Variants in ARHGAP26 observed in about 807,000 individuals in gnomAD.
ARHGAP26 encodes Rho GTPase activating protein 26.
ARHGAP26 carries 38 observed loss-of-function variants against 104.8 expected under a neutral mutation model. That is an observed-to-expected ratio of 0.36 (90% confidence interval 0.28 to 0.48). The LOEUF (loss-of-function observed/expected upper bound fraction) is 0.48. ARHGAP26 is among the 20% of genes least tolerant of loss of function. The probability of loss-of-function intolerance (pLI) is 0.99; values close to 1 mark genes in which losing one functional copy is unlikely to be tolerated. For synonymous variants in ARHGAP26, 341 were observed against 340.0 expected (o/e 1.00, Z -0.03); for missense variants, 704 against 947.9 (o/e 0.74, Z 3.38).
intron 19 of ARHGAP26, among the ~76,000 whole-genome samples, chr5:143,146,928 G>GCCT (rs1799230703): frequency 1.3e-5 from 2 of 152,174 alleles, no homozygotes; most frequent in African/African-American, 4.8e-5. Flanking sequence ...CCAGTCAAAA[G>GCCT]AAGATGCAAT....
intron 17 of ARHGAP26, among the ~76,000 whole-genome samples, chr5:143,116,793 T>C (rs1795510070): frequency 6.6e-6 from 1 of 152,220 alleles, no homozygotes; most frequent in South Asian, 2.1e-4. Context: ...GCCATTTTCA[T>C]GGAACATGCT....
chr5:142,793,303 G>A (rs921411486), intron 1 of ARHGAP26, among the ~76,000 whole-genome samples: 3 of 147,520 alleles, frequency 2.0e-5, no homozygotes, highest in African/African-American at 7.6e-5. Flanking sequence ...GGCTTGAGGG[G>A]TCGTAGCTTT....
chr5:142,935,113 A>G (rs774330715), intron 11 of ARHGAP26, among the ~76,000 whole-genome samples: 17 of 152,328 alleles, frequency 1.1e-4, no homozygotes, highest in South Asian at 8.3e-4. Flanking sequence ...GGGAAACTCA[A>G]TTCAAACTTG....
chr5:142,784,801 C>T (rs1758213951), intron 1 of ARHGAP26, among the ~76,000 whole-genome samples: 1 of 152,076 alleles, frequency 6.6e-6, no homozygotes, highest in African/African-American at 2.4e-5. Flanking sequence ...ATTTTGCATT[C>T]ATCTTCACGA....
At chr5:142,890,365 G>T (rs1273548937) in intron 5 of ARHGAP26, among the ~76,000 whole-genome samples, 2 of 151,078 alleles carry the variant, frequency 1.3e-5, no homozygotes, top group East Asian at 3.9e-4. Context: ...GCGGTTTGGA[G>T]TGTTAGAGGA....
intron 11 of ARHGAP26, among the ~76,000 whole-genome samples, chr5:142,937,746 G>T (rs1448420349): frequency 6.6e-6 from 1 of 151,930 alleles, no homozygotes; most frequent in Non-Finnish European, 1.5e-5. Context: ...ACAACAACCG[G>T]GTGCATCTTA....
At chr5:142,865,478 G>GTTTTT (rs35950662) in intron 1 of ARHGAP26, among the ~76,000 whole-genome samples, 7 of 117,228 alleles carry the variant, frequency 6.0e-5, no homozygotes, top group Non-Finnish European at 7.0e-5. Flanking sequence ...ACACGGAGAA[G>GTTTTT]TTTTTTTTTT....
At chr5:142,882,350 C>G (rs1757119776) in intron 4 of ARHGAP26, among the ~76,000 whole-genome samples, 1 of 152,182 alleles carries the variant, frequency 6.6e-6, no homozygotes, top group Non-Finnish European at 1.5e-5. Flanking sequence ...AACATGAGAA[C>G]AAGGTTGGTC....
chr5:143,171,402 C>T (rs369421042), intron 20 of ARHGAP26, among the ~76,000 whole-genome samples: 7 of 152,218 alleles, frequency 4.6e-5, no homozygotes, highest in East Asian at 3.9e-4. Context: ...AGATGAGAGC[C>T]GCACTTGAGA....
chr5:142,903,964 AT>A (rs1180453527), intron 8 of ARHGAP26, among the ~76,000 whole-genome samples: 1 of 151,926 alleles, frequency 6.6e-6, no homozygotes, highest in Non-Finnish European at 1.5e-5. Context: ...GTCCAGCTTT[AT>A]GTACCATACC....
intron 1 of ARHGAP26, among the ~76,000 whole-genome samples, chr5:142,841,444 G>A (rs976445366): frequency 6.6e-6 from 1 of 152,208 alleles, no homozygotes; most frequent in Admixed American, 6.5e-5. Flanking sequence ...AGGAAAGATT[G>A]GGTGGGAGCT....
In ARHGAP26 at chr5:142,903,657, G is replaced by C. The variant is rs769590245; in HGVS notation, c.820G>C (p.Val274Leu). The C allele has an allele frequency of 6.2e-6, 10 of 1,613,614 alleles. No homozygotes were observed. The highest frequency in any genetic ancestry group is 7.6e-6 in the Non-Finnish European group (9 of 1,179,792). ...SPYTMEGYLY[V>L]QEKRHFGTSW... ...CTACACCATGGAGGGATACCTCTAC[G>C]TGCAGGAGAAACGTGAGTGCTTTGA... Residue 274 changes from valine (V) to leucine (L), a missense_variant, in exon 8 of 23, where the codon GTG (valine) becomes CTG (leucine). Val to Leu is a conservative substitution (Grantham distance 32, BLOSUM62 1). Around this residue, in one of 6 missense-constraint regions of ARHGAP26, gnomAD observed 287 missense variants for 438.8 expected, o/e 0.65. Coordinates refer to ENST00000645722, the MANE Select transcript of ARHGAP26 (RefSeq NM_001135608.3).
intron 18 of ARHGAP26, among the ~76,000 whole-genome samples, chr5:143,124,287 A>T (rs775971942): frequency 6.6e-6 from 1 of 152,258 alleles, no homozygotes; most frequent in Non-Finnish European, 1.5e-5. Flanking sequence ...AAACCTAGGC[A>T]TCTAGCCATT....
intron 1 of ARHGAP26, among the ~76,000 whole-genome samples, chr5:142,856,985 A>C (rs1241941838): frequency 6.6e-6 from 1 of 152,150 alleles, no homozygotes; most frequent in Non-Finnish European, 1.5e-5. Flanking sequence ...CAACAGGGCC[A>C]TATTCTTTTG....
At chr5:143,018,260 G>A (rs1779858804) in intron 12 of ARHGAP26, among the ~76,000 whole-genome samples, 1 of 152,082 alleles carries the variant, frequency 6.6e-6, no homozygotes. Flanking sequence ...GTTAGATTTA[G>A]CCAGTTTAAA....
At chr5:142,860,858 T>G (rs928663897) in intron 1 of ARHGAP26, among the ~76,000 whole-genome samples, 1 of 152,170 alleles carries the variant, frequency 6.6e-6, no homozygotes, top group Non-Finnish European at 1.5e-5. Flanking sequence ...TAGTATTAGA[T>G]GTTCTGAAGG....
intron 11 of ARHGAP26, among the ~76,000 whole-genome samples, chr5:142,941,074 C>CAAAAA (rs1162903888): frequency 1.5e-4 from 4 of 27,246 alleles, no homozygotes; most frequent in African/African-American, 3.1e-4. Flanking sequence ...GACTCCATCT[C>CAAAAA]AAAAAAAAAA....
chr5:142,907,822 A>C lies in ARHGAP26; in HGVS notation c.933+18A>C. 1 of 1,573,024 alleles carries C rather than the reference A, an allele frequency of 6.4e-7. No individual in the cohort carries two copies. The highest frequency in any genetic ancestry group is 8.7e-7 in the Non-Finnish European group (1 of 1,146,114). On this transcript the variant is annotated intron_variant, in intron 9 of 22. Transcript: ENST00000645722. Reference sequence around the variant, plus strand: ...GAAAAGGGGTGAGTTCATTTTTAAAATTTGATGTTTGATTTGCTTGGCTAA... The same window carrying C: ...GAAAAGGGGTGAGTTCATTTTTAAACTTTGATGTTTGATTTGCTTGGCTAA...
At chr5:143,152,003 A>C (rs545400625) in intron 20 of ARHGAP26, among the ~76,000 whole-genome samples, 12 of 152,320 alleles carry the variant, frequency 7.9e-5, no homozygotes, top group African/African-American at 2.9e-4. Flanking sequence ...TATGATACCA[A>C]CTATATGGCT....
Sources: gnomAD v4.1 joint callset for allele counts (sites outside exome capture counted in the v4.1 genomes callset) on GRCh38, gnomAD v4.1.1 for gene constraint, gnomAD v4.1.1 regional missense constraint, MANE v1.5 for transcripts, NCBI Gene and HGNC (gene_info 2026-07-23, HGNC 2026-07-21) for gene names.